Variants in TMEM132C observed in about 807,000 individuals in gnomAD.
The protein encoded by TMEM132C is transmembrane protein 132C.
A neutral mutation model predicts 61.4 loss-of-function variants in TMEM132C; 29 were observed. The ratio of observed to expected loss-of-function variants is 0.47; its 90% CI spans 0.35 to 0.64. The LOEUF (loss-of-function observed/expected upper bound fraction) is 0.64. Ranked by LOEUF, TMEM132C falls within the 30% of genes least tolerant of loss-of-function variation. The pLI is 0.00. For missense variants in TMEM132C, 1,408 were observed against 1,476.9 expected (o/e 0.95, Z 0.76); for synonymous variants, 656 against 633.1 (o/e 1.04, Z -0.54).
At chr12:128,658,047 A>G (rs879655827) in intron 4 of TMEM132C, among the ~76,000 whole-genome samples, 47 of 148,486 alleles carry the variant, frequency 3.2e-4, no homozygotes, top group Non-Finnish European at 5.7e-4. Flanking sequence ...AGGAGCAGGG[A>G]CGCAGCTCCC....
At chr12:128,614,945 A>T (rs1053260026) in intron 3 of TMEM132C, among the ~76,000 whole-genome samples, 1 of 152,188 alleles carries the variant, frequency 6.6e-6, no homozygotes, top group African/African-American at 2.4e-5. Flanking sequence ...CCTCGGCATG[A>T]TGATGTGAGG....
At chr12:128,511,561 C>G (rs952248843) in intron 2 of TMEM132C, among the ~76,000 whole-genome samples, 7 of 152,224 alleles carry the variant, frequency 4.6e-5, no homozygotes, top group Non-Finnish European at 8.8e-5. Context: ...TGCAGGGCTT[C>G]TGGGTGTCTT....
intron 1 of TMEM132C, among the ~76,000 whole-genome samples, chr12:128,313,738 G>A (rs1872054319): frequency 6.6e-6 from 1 of 152,200 alleles, no homozygotes; most frequent in African/African-American, 2.4e-5. Flanking sequence ...AAGGACGAGA[G>A]AGAGCTGGCA....
At chr12:128,685,136 A>T (rs979330872) in intron 5 of TMEM132C, among the ~76,000 whole-genome samples, 24 of 152,132 alleles carry the variant, frequency 1.6e-4, no homozygotes, top group Admixed American at 6.5e-5. Context: ...TTTCTTCTCA[A>T]TTTTGCCAGT....
At chr12:128,674,058 T>C (rs1033014113) in intron 5 of TMEM132C, among the ~76,000 whole-genome samples, 36 of 152,250 alleles carry the variant, frequency 2.4e-4, no homozygotes, top group Non-Finnish European at 7.3e-5. Flanking sequence ...TAAATTATAC[T>C]AAGTTTGGCA....
chr12:128,635,913 C>T (rs1417572859), intron 4 of TMEM132C, among the ~76,000 whole-genome samples: 1 of 152,178 alleles, frequency 6.6e-6, no homozygotes, highest in Non-Finnish European at 1.5e-5. Flanking sequence ...TTCTAAGTGC[C>T]ACACATCCTG....
At chr12:128,513,604 C>T (rs941614402) in intron 2 of TMEM132C, among the ~76,000 whole-genome samples, 1 of 152,076 alleles carries the variant, frequency 6.6e-6, no homozygotes, top group Non-Finnish European at 1.5e-5. Context: ...CTGGCTCTTT[C>T]AGGCTTAACT....
At chr12:128,425,357 A>G (rs1309676884) in intron 2 of TMEM132C, among the ~76,000 whole-genome samples, 2 of 152,240 alleles carry the variant, frequency 1.3e-5, no homozygotes, top group African/African-American at 4.8e-5. Context: ...GAGCAGCCAC[A>G]TGACAAGTCT....
chr12:128,596,596 G>A (rs1312224208), intron 3 of TMEM132C, among the ~76,000 whole-genome samples: 1 of 149,608 alleles, frequency 6.7e-6, no homozygotes, highest in Non-Finnish European at 1.5e-5. Flanking sequence ...TGGTACAGAG[G>A]CACCAGGGCT....
At chr12:128,382,036 T>C (rs1384900083) in intron 1 of TMEM132C, among the ~76,000 whole-genome samples, 1 of 151,154 alleles carries the variant, frequency 6.6e-6, no homozygotes, top group Non-Finnish European at 1.5e-5. Context: ...GGTTTTGTTA[T>C]TCGCTTTTTT....
rs539676234 is a variant in TMEM132C, at chr12:128,280,222, G to A, written c.85+12735G>A. On this transcript the variant is annotated intron_variant, in intron 1 of 8. Transcript: ENST00000435159. The stretch of plus-strand genomic sequence containing the variant: ...TCTCTTCTCTCCGTCAGTCGCTCCA[G>A]GGAAGTGCCCCCGTCAATTTGAGGT... Among the ~76,000 whole-genome samples the A allele has an allele frequency of 1.4e-3, 217 of 152,294 alleles. 1 individual carries two copies. The highest frequency in any genetic ancestry group is 4.7e-3 in the African/African-American group (195 of 41,568).
rs1180034989 is a variant in TMEM132C, at chr12:128,705,639, G to T, written c.2671G>T (p.Asp891Tyr). 6.4e-7 allele frequency: 1 copy of T among 1,550,960 alleles called. No individual in the cohort carries two copies. The highest frequency in any genetic ancestry group is 8.7e-7 in the Non-Finnish European group (1 of 1,147,008). Residue 891 changes from aspartate (D) to tyrosine (Y), a missense_variant, in exon 9 of 9, where the codon GAC becomes TAC. Coordinates refer to ENST00000435159, the MANE Select transcript of TMEM132C (RefSeq NM_001136103.3). ...GEGQLQNIPI[D>Y]FTNFPAHVDL... Reference sequence around the variant, plus strand: ...GGGGCAGCTGCAGAACATCCCCATTGACTTCACCAACTTCCCTGCCCACGT... The same window carrying T: ...GGGGCAGCTGCAGAACATCCCCATTTACTTCACCAACTTCCCTGCCCACGT...
intron 5 of TMEM132C, among the ~76,000 whole-genome samples, chr12:128,677,925 A>T (rs950709970): frequency 6.6e-6 from 1 of 152,266 alleles, no homozygotes; most frequent in Non-Finnish European, 1.5e-5. Flanking sequence ...GCTCCGGCAC[A>T]TGGAGAGCAA....
intron 1 of TMEM132C, among the ~76,000 whole-genome samples, chr12:128,284,080 A>G (rs947187000): frequency 3.3e-5 from 5 of 152,170 alleles, no homozygotes; most frequent in Admixed American, 3.3e-4. Flanking sequence ...ATTTTTTGGC[A>G]GGTCGGGGTG....
intron 1 of TMEM132C, among the ~76,000 whole-genome samples, chr12:128,399,562 G>A (rs1193622004): frequency 6.6e-6 from 1 of 152,012 alleles, no homozygotes; most frequent in African/African-American, 2.4e-5. Context: ...CTGTTTTGGA[G>A]GCACAGTAAA....
At chr12:128,663,569 C>CA in intron 4 of TMEM132C, among the ~76,000 whole-genome samples, 1 of 152,362 alleles carries the variant, frequency 6.6e-6, no homozygotes, top group South Asian at 2.1e-4. Context: ...GCCAGTGAGT[C>CA]AAACTCCCCT....
intron 5 of TMEM132C, among the ~76,000 whole-genome samples, chr12:128,691,753 C>T (rs1434831874): frequency 6.6e-6 from 1 of 151,482 alleles, no homozygotes; most frequent in Non-Finnish European, 1.5e-5. Flanking sequence ...TTGTCCACCA[C>T]CCATTCACCT....
intron 4 of TMEM132C, among the ~76,000 whole-genome samples, chr12:128,638,977 ATGATGGTGG>A (rs1954125549): frequency 1.2e-5 from 1 of 83,556 alleles, no homozygotes; most frequent in Non-Finnish European, 2.6e-5. Context: ...GGTGATGGTG[ATGATGGTGG>A]TGATGGTGAT....
rs370030725 is a variant in TMEM132C at position 128,418,739 on chromosome 12, G to C, written c.974+3119G>C. 2.0e-4 allele frequency among the ~76,000 whole-genome samples: 30 copies of C among 152,286 alleles called. No individual in the cohort carries two copies. The East Asian group carries it at 5.4e-3, about 27-fold the overall frequency. On this transcript the variant is annotated intron_variant, in intron 2 of 8. Coordinates refer to ENST00000435159, the MANE Select transcript of TMEM132C (RefSeq NM_001136103.3). Reference sequence around the variant, plus strand: ...CAGAGGATGTTTGGGTCAGAATGTAGGTTTTAGGGTACCTTATCTCTTTCC... The same window carrying C: ...CAGAGGATGTTTGGGTCAGAATGTACGTTTTAGGGTACCTTATCTCTTTCC...
Sources: allele counts gnomAD v4.1 joint callset (sites outside exome capture counted in the v4.1 genomes callset), GRCh38; gene constraint gnomAD v4.1.1; transcripts MANE v1.5; gene names NCBI Gene and HGNC (gene_info 2026-07-23, HGNC 2026-07-21).